The following GRID2 variants were observed in gnomAD, a reference collection of about 807,000 sequenced individuals.
The protein encoded by GRID2 is glutamate receptor ionotropic, delta-2.
GRID2 carries 33 observed loss-of-function variants against 114.8 expected under a neutral mutation model. The ratio of observed to expected loss-of-function variants is 0.29; its 90% CI spans 0.22 to 0.38. GRID2 has a LOEUF of 0.38. Ranked by LOEUF, GRID2 falls within the 10% of genes least tolerant of loss-of-function variation. The pLI, the probability that GRID2 is intolerant of heterozygous loss-of-function variation, is 1.00. For missense variants in GRID2, 1,184 were observed against 1,257.7 expected (o/e 0.94, Z 0.89); for synonymous variants, 505 against 449.9 (o/e 1.12, Z -1.55).
intron 1 of GRID2, among the ~76,000 whole-genome samples, chr4:93,788,211 G>A (rs1409844137): frequency 5.9e-5 from 9 of 152,002 alleles, no homozygotes; most frequent in Admixed American, 1.3e-4. Context: ...CCAGCTACTC[G>A]GGAGGCTGAG....
chr4:93,630,717 G>T (rs938725913), intron 14 of GRID2, among the ~76,000 whole-genome samples: 2 of 152,036 alleles, frequency 1.3e-5, no homozygotes, highest in Admixed American at 6.6e-5. Flanking sequence ...CAGAATTTGA[G>T]AATTTTTAGA....
At chr4:92,630,952 T>C (rs1730777374) in intron 2 of GRID2, among the ~76,000 whole-genome samples, 1 of 151,904 alleles carries the variant, frequency 6.6e-6, no homozygotes, top group East Asian at 1.9e-4. Flanking sequence ...TAAAGGGTTA[T>C]CATATTCCAG....
chr4:92,968,267 G>T (rs530120842), intron 2 of GRID2, among the ~76,000 whole-genome samples: 1 of 151,774 alleles, frequency 6.6e-6, no homozygotes, highest in South Asian at 2.1e-4. Context: ...ACAAACATAA[G>T]TTATTAATTT....
At chr4:92,778,417 C>A (rs1023205038) in intron 2 of GRID2, among the ~76,000 whole-genome samples, 1 of 152,044 alleles carries the variant, frequency 6.6e-6, no homozygotes, top group East Asian at 1.9e-4. Flanking sequence ...TGCTCCTGAT[C>A]TCAATTTTAT....
At chr4:93,053,257 G>T (rs1218238875) in intron 2 of GRID2, among the ~76,000 whole-genome samples, 1 of 151,888 alleles carries the variant, frequency 6.6e-6, no homozygotes, top group African/African-American at 2.4e-5. Context: ...AACACTAGTG[G>T]TCAACACCAA....
At chr4:92,358,593 C>A (rs1314550795) in intron 1 of GRID2, among the ~76,000 whole-genome samples, 3 of 151,756 alleles carry the variant, frequency 2.0e-5, no homozygotes, top group African/African-American at 7.3e-5. Flanking sequence ...AATACTATAA[C>A]CTAAATAAAA....
At chr4:92,741,854 C>G (rs185467331) in intron 2 of GRID2, among the ~76,000 whole-genome samples, 157 of 152,220 alleles carry the variant, frequency 1.0e-3, no homozygotes, top group Admixed American at 3.1e-3. Flanking sequence ...ACTTATTTTT[C>G]TGCCATTTTA....
intron 13 of GRID2, among the ~76,000 whole-genome samples, chr4:93,582,944 C>T (rs970932612): frequency 3.3e-5 from 5 of 152,084 alleles, no homozygotes; most frequent in African/African-American, 1.2e-4. Context: ...GCTAGAAATT[C>T]GAAATCAAGG....
Position 93,726,944 on chromosome 4 carries a change from G to A in GRID2, c.2361-42266G>A, listed in dbSNP as rs190364859. 2.6e-3 allele frequency among the ~76,000 whole-genome samples: 402 copies of A among 152,300 alleles called. 4 individuals are homozygous for A. Among genetic ancestry groups the A allele is most frequent in the African/African-American group, 9.2e-3 (384 of 41,564 alleles). On this transcript the variant is annotated intron_variant, in intron 14 of 15. Coordinates refer to ENST00000282020, the MANE Select transcript of GRID2 (RefSeq NM_001510.4). Reference sequence around the variant, plus strand: ...TGTCATCTGCAAACAGGGACAATTTGACTTCCTCTTTTCCTAAGTGAATAC... The same window carrying A: ...TGTCATCTGCAAACAGGGACAATTTAACTTCCTCTTTTCCTAAGTGAATAC...
intron 1 of GRID2, among the ~76,000 whole-genome samples, chr4:92,568,070 G>A (rs993646245): frequency 2.0e-5 from 3 of 152,022 alleles, no homozygotes; most frequent in Non-Finnish European, 2.9e-5. Flanking sequence ...ATCAAGGAGG[G>A]TCTCACTAAG....
chr4:93,419,418 A>G (rs1768047192), intron 9 of GRID2, among the ~76,000 whole-genome samples: 1 of 152,002 alleles, frequency 6.6e-6, no homozygotes, highest in Admixed American at 6.6e-5. Flanking sequence ...TATCTTTTCT[A>G]TTATAGTTCC....
chr4:92,651,669 G>A (rs1284061057), intron 2 of GRID2, among the ~76,000 whole-genome samples: 1 of 151,984 alleles, frequency 6.6e-6, no homozygotes, highest in Non-Finnish European at 1.5e-5. Flanking sequence ...TCCCAGAATA[G>A]CCAGCCAAAT....
intron 14 of GRID2, among the ~76,000 whole-genome samples, chr4:93,665,332 T>C (rs1269056576): frequency 6.6e-6 from 1 of 152,230 alleles, no homozygotes; most frequent in African/African-American, 2.4e-5. Context: ...CTGATGTATT[T>C]GTCTCATGTT....
At chr4:92,678,336 T>G (rs1050649869) in intron 2 of GRID2, among the ~76,000 whole-genome samples, 24 of 152,266 alleles carry the variant, frequency 1.6e-4, no homozygotes, top group African/African-American at 5.3e-4. Context: ...TTTCTCTGTT[T>G]GATGTCTAAA....
chr4:92,518,053 T>G lies in GRID2; in HGVS notation c.89-72078T>G, dbSNP rs77519519. On this transcript the variant is annotated intron_variant, in intron 1 of 15. Coordinates refer to ENST00000282020, the MANE Select transcript of GRID2 (RefSeq NM_001510.4). ...TCAAGTAGCTGAACAATAACTACTT[T>G]TCCCCACCCATACCCCATTTCTACA... is the stretch of plus-strand genomic sequence containing the variant. Among the ~76,000 whole-genome samples the G allele has an allele frequency of 7.6e-4, 115 of 152,014 alleles. No individual in the cohort carries two copies. The East Asian group carries it at 0.016, about 21-fold the overall frequency.
At chr4:93,789,895 TG>T (rs528833622) in intron 1 of GRID2, among the ~76,000 whole-genome samples, 1 of 152,100 alleles carries the variant, frequency 6.6e-6, no homozygotes, top group East Asian at 1.9e-4. Context: ...AAGAAGTGAA[TG>T]GGGGTAAGTG....
chr4:92,663,030 C>G (rs965794071), intron 2 of GRID2, among the ~76,000 whole-genome samples: 1 of 150,856 alleles, frequency 6.6e-6, no homozygotes, highest in African/African-American at 2.4e-5. Context: ...ATTTATCAGT[C>G]AAACACACTG....
chr4:92,443,089 T>A (rs1256957444), intron 1 of GRID2, among the ~76,000 whole-genome samples: 3 of 151,900 alleles, frequency 2.0e-5, no homozygotes, highest in African/African-American at 4.8e-5. Flanking sequence ...AGGCTTGGGG[T>A]TGGTACTGAG....
intron 1 of GRID2, among the ~76,000 whole-genome samples, chr4:93,783,864 A>G (rs1734532236): frequency 6.6e-6 from 1 of 151,692 alleles, no homozygotes; most frequent in Admixed American, 6.6e-5. Flanking sequence ...CGAGGTCAGG[A>G]GATCGAGACC....
Sources: gnomAD v4.1 joint callset for allele counts (sites outside exome capture counted in the v4.1 genomes callset) on GRCh38, gnomAD v4.1.1 for gene constraint, MANE v1.5 for transcripts, NCBI Gene and HGNC (gene_info 2026-07-23, HGNC 2026-07-21) for gene names.